The following CACNA1A variants were observed in gnomAD, a reference collection of about 807,000 sequenced individuals.
CACNA1A encodes voltage-dependent P/Q-type calcium channel subunit alpha-1A.
In CACNA1A, 57 loss-of-function variants were observed where a neutral mutation model predicts 262.4. The observed-to-expected ratio is 0.22, with a 90% CI of 0.18 to 0.27. The LOEUF (loss-of-function observed/expected upper bound fraction) is 0.27, where lower values mean the gene tolerates loss of function less well. Ranked by LOEUF, CACNA1A falls within the 10% of genes least tolerant of loss-of-function variation. The probability of loss-of-function intolerance (pLI) is 1.00; values close to 1 mark genes in which losing one functional copy is unlikely to be tolerated. For synonymous variants in CACNA1A, 1,431 were observed against 1,419.3 expected, an observed-to-expected ratio of 1.01 and a Z score of -0.18; for missense variants, 2,526 against 3,562.8, an observed-to-expected ratio of 0.71 and a Z score of 7.41.
At chr19:13,441,667 G>GAAAAAAAAAA (rs758379687) in intron 3 of CACNA1A, among the ~76,000 whole-genome samples, 1 of 113,888 alleles carries the variant, frequency 8.8e-6, no homozygotes, top group African/African-American at 3.3e-5. Context: ...CTGTCTCGAG[G>GAAAAAAAAAA]AAAAAAAAAA....
intron 43 of CACNA1A, chr19:13,211,719 G>T (rs920450662): frequency 2.7e-5 from 7 of 258,976 alleles, no homozygotes; most frequent in Admixed American, 1.5e-4. Context: ...TTGAGCATGT[G>T]TGTGTGTGTT....
At chr19:13,497,506 AAAAAAAAAAAAAAAAATATATATATAT>A (rs1981716415) in intron 1 of CACNA1A, among the ~76,000 whole-genome samples, 2 of 41,648 alleles carry the variant, frequency 4.8e-5, no homozygotes, top group East Asian at 6.6e-4. Flanking sequence ...AAAAAAAAAA[AAAAAAAAAAAAAAAAATATATATATAT>A]ATATATATAT....
At chr19:13,234,483 G>A (rs1837224283) in intron 34 of CACNA1A, among the ~76,000 whole-genome samples, 1 of 149,718 alleles carries the variant, frequency 6.7e-6, no homozygotes, top group African/African-American at 2.5e-5. Context: ...TTTCTTATTT[G>A]TCGGATAGGG....
chr19:13,490,713 G>GAAA (rs1187409499), intron 1 of CACNA1A, among the ~76,000 whole-genome samples: 1 of 122,982 alleles, frequency 8.1e-6, no homozygotes, highest in Non-Finnish European at 1.7e-5. Flanking sequence ...AAGAAAGAAA[G>GAAA]AAAGAAAGAA....
chr19:13,213,800 C>G (rs1176336428), intron 40 of CACNA1A: 5 of 160,216 alleles, frequency 3.1e-5, no homozygotes, highest in Admixed American at 2.4e-4. Context: ...TCTCCTGCCT[C>G]AGCCTCCCAA....
Position 13,241,555 on chromosome 19 carries a change from A to AGG in CACNA1A, c.4950+3626_4950+3627insCC. On this transcript the variant is annotated intron_variant, in intron 31 of 46. Transcript: ENST00000360228. This position sits in a 1 kb window ranked among gnomAD's most constrained non-coding sequence, Gnocchi z 4.0. ...GATGCAGATGTTGAAGATGAGGGGG[A>AGG]GCGGGCGGGCGGGGGCAGTTGGGGA... The AGG allele has an allele frequency of 3.3e-6, 1 of 302,518 alleles. No individual in the cohort carries two copies. Among genetic ancestry groups the AGG allele is most frequent in the Admixed American group, 4.4e-5 (1 of 22,980 alleles). The allele number at this position is 302,518 out of a possible 1,614,324, so 18.7% of individuals were successfully genotyped here. A position where few individuals can be genotyped will look rare whatever the true frequency, so the allele number is the denominator to read the frequency against.
chr19:13,335,649 C>G, intron 7 of CACNA1A, among the ~76,000 whole-genome samples, 157 bp downstream of exon 7: 1 of 152,174 alleles, frequency 6.6e-6, no homozygotes, highest in East Asian at 1.9e-4. Flanking sequence ...ACCTCTGCAC[C>G]TGTGCATGGC....
At chr19:13,382,276 C>G (rs1013491016) in intron 3 of CACNA1A, among the ~76,000 whole-genome samples, 1 of 152,148 alleles carries the variant, frequency 6.6e-6, no homozygotes, top group Admixed American at 6.5e-5. Flanking sequence ...GTCAGAACAT[C>G]TCAGACGGGT....
At chr19:13,479,953 G>C (rs537038664) in intron 1 of CACNA1A, among the ~76,000 whole-genome samples, 1 of 152,180 alleles carries the variant, frequency 6.6e-6, no homozygotes, top group Non-Finnish European at 1.5e-5. Context: ...ATTCATTTAC[G>C]TATTGCCTGT....
intron 4 of CACNA1A, among the ~76,000 whole-genome samples, chr19:13,369,891 C>A (rs1032846034): frequency 6.6e-6 from 1 of 152,150 alleles, no homozygotes; most frequent in African/African-American, 2.4e-5. Flanking sequence ...ATAGAAGTGT[C>A]TTCTTTCTAC....
At chr19:13,450,241 T>C (rs1294974253) in intron 3 of CACNA1A, 3 of 151,808 alleles carry the variant, frequency 2.0e-5, no homozygotes, top group Non-Finnish European at 4.4e-5. Context: ...GGTCACCTTC[T>C]CTAGCCATGT....
At chr19:13,266,942 G>T (rs1271543598) in intron 24 of CACNA1A, among the ~76,000 whole-genome samples, 2 of 152,178 alleles carry the variant, frequency 1.3e-5, no homozygotes, top group Admixed American at 6.5e-5. Context: ...TGCCCCTTCT[G>T]TTCTCTGCAA....
At chr19:13,462,989 G>C (rs1262684075) in intron 1 of CACNA1A, among the ~76,000 whole-genome samples, 1 of 151,898 alleles carries the variant, frequency 6.6e-6, no homozygotes, top group Admixed American at 6.6e-5. Context: ...TTGAACTCCT[G>C]GGCTCAAGCG....
intron 6 of CACNA1A, among the ~76,000 whole-genome samples, chr19:13,352,893 C>G (rs1031175409): frequency 5.9e-5 from 9 of 151,770 alleles, no homozygotes; most frequent in Admixed American, 1.3e-4. Context: ...CTGCCTCAGC[C>G]TCCCAAGTAG....
intron 35 of CACNA1A, among the ~76,000 whole-genome samples, chr19:13,231,496 T>C (rs2055665702): frequency 6.6e-6 from 1 of 151,856 alleles, no homozygotes; most frequent in South Asian, 2.1e-4. Flanking sequence ...TACACTGCAG[T>C]GCACATGATG....
At chr19:13,234,057 A>AG (rs2055770211) in intron 34 of CACNA1A, among the ~76,000 whole-genome samples, 1 of 148,438 alleles carries the variant, frequency 6.7e-6, no homozygotes. Flanking sequence ...CTAAAAAAAA[A>AG]AAAAAAAAAG....
At chr19:13,382,090 G>A (rs2059533554) in intron 3 of CACNA1A, among the ~76,000 whole-genome samples, 3 of 152,190 alleles carry the variant, frequency 2.0e-5, no homozygotes, top group South Asian at 2.1e-4. Flanking sequence ...CAGTGATAAC[G>A]CTAAGACAAA....
chr19:13,465,326 A>G (rs2061214543), intron 1 of CACNA1A, among the ~76,000 whole-genome samples: 1 of 152,238 alleles, frequency 6.6e-6, no homozygotes, highest in African/African-American at 2.4e-5. Flanking sequence ...CCAAGAACAT[A>G]CTGCAGTGCA....
In CACNA1A at chr19:13,432,416, AAAATAAATAAAT is replaced by A. The variant is rs201856945; in HGVS notation, c.539+20448_539+20459del. 4.1e-3 allele frequency among the ~76,000 whole-genome samples: 593 copies of A among 144,926 alleles called. 9 individuals carry two copies. The East Asian group carries it at 0.057, about 14-fold the overall frequency. ...GGTGACAGAGCGAGACTCCATCTCAAAAATAAATAAATAAATAAATAAATAAATAAATAAAAA... is the reference window on the plus strand; with the variant it reads ...GGTGACAGAGCGAGACTCCATCTCAAAAATAAATAAATAAATAAATAAAAA... On this transcript the variant is annotated intron_variant, in intron 3 of 46. Coordinates refer to ENST00000360228, the MANE Select transcript of CACNA1A (RefSeq NM_001127222.2).
Sources: gnomAD v4.1 joint callset for allele counts (sites outside exome capture counted in the v4.1 genomes callset) on GRCh38, gnomAD v4.1.1 for gene constraint, Gnocchi (gnomAD v3.1) non-coding constraint, MANE v1.5 for transcripts, NCBI Gene and HGNC (gene_info 2026-07-23, HGNC 2026-07-21) for gene names.